HPSE: variants seen among roughly 807,000 people sequenced by gnomAD.
HPSE encodes heparanase, also known as endo-glucoronidase.
HPSE carries 48 observed loss-of-function variants against 65.1 expected under a neutral mutation model. That is an observed-to-expected ratio of 0.74 (90% CI 0.58 to 0.94). The LOEUF is 0.94. Ranked by LOEUF, HPSE falls within the 40% of genes least tolerant of loss-of-function variation. The pLI, the probability that HPSE is intolerant of heterozygous loss-of-function variation, is 0.00. For missense variants in HPSE, 644 were observed against 637.5 expected, an observed-to-expected ratio of 1.01 and a Z score of -0.11; for synonymous variants, 243 against 260.0, an observed-to-expected ratio of 0.93 and a Z score of 0.63.
chr4:83,334,890 C>A, upstream of HPSE: 2 of 1,423,898 alleles, frequency 1.4e-6, no homozygotes, highest in Non-Finnish European at 1.8e-6. Flanking sequence ...CTTTCCTCCG[C>A]CCCGTTACGC....
Position 83,334,553 on chromosome 4 carries a change from T to C in HPSE, c.227+3A>G. The C allele has an allele frequency of 6.3e-7, 1 of 1,575,604 alleles. No homozygotes were observed. Among genetic ancestry groups the C allele is most frequent in the Non-Finnish European group, 8.6e-7 (1 of 1,160,566 alleles). On this transcript the variant is annotated splice_donor_region_variant and intron_variant, in intron 1 of 11. Transcript: ENST00000311412. ...GGGACAGGACCAGGAGGCTGGCGCT[T>C]ACCCCAGGAGGATGAGGAACCGCGG...
intron 11 of HPSE, 80 bp downstream of exon 11, chr4:83,300,880 G>C (rs1035495693): frequency 5.3e-6 from 4 of 758,382 alleles, no homozygotes; most frequent in African/African-American, 4.0e-5. Flanking sequence ...TTTGTCTTTT[G>C]CTCCCTGTCC....
At position 83,310,034 on chromosome 4, in the gene HPSE, T is replaced by C. The variant is rs758732156; in HGVS notation, c.887A>G (p.His296Arg). The change falls in exon 6 of 12, where the codon CAT becomes CGT. Residue 296 changes from histidine to arginine, a missense_variant. Physicochemically the swap from His to Arg is conservative, Grantham distance 29. Coordinates refer to ENST00000311412, the MANE Select transcript of HPSE (RefSeq NM_001098540.3). ...TAAGAATAGGAGACATACTTACTGA[T>C]GCCATGTAACTGAATCAATCACTTC... ...GGEVIDSVTW[H>R]HYYLNGRTAT... 1.2e-6 allele frequency: 2 copies of C among 1,608,670 alleles called. No homozygotes were observed. Among genetic ancestry groups the C allele is most frequent in the South Asian group, 1.1e-5 (1 of 90,564 alleles).
chr4:83,331,875 T>C lies in HPSE; in HGVS notation c.227+2681A>G, dbSNP rs150994747. The stretch of plus-strand genomic sequence containing the variant: ...TTTCCTTTAAAAAATATAATCTGCT[T>C]TCCCTTTTTATGGGCACTATTATCT... On this transcript the variant is annotated intron_variant, in intron 1 of 11. Transcript: ENST00000311412. Among the ~76,000 whole-genome samples the C allele has an allele frequency of 2.6e-5, 4 of 152,346 alleles. No homozygotes were observed. In the East Asian group the frequency reaches 5.8e-4, roughly 22 times the overall value.
chr4:83,297,683 C>G (rs1375542113), intron 11 of HPSE, among the ~76,000 whole-genome samples: 1 of 152,180 alleles, frequency 6.6e-6, no homozygotes, highest in Non-Finnish European at 1.5e-5. Context: ...ATATCAATAG[C>G]ACGCCCATGA....
At chr4:83,325,101 A>G (rs1463996349) in intron 1 of HPSE, among the ~76,000 whole-genome samples, 3 of 151,552 alleles carry the variant, frequency 2.0e-5, no homozygotes, top group Non-Finnish European at 4.4e-5. Flanking sequence ...TTCCATAACA[A>G]GCACGTTATA....
intron 2 of HPSE, among the ~76,000 whole-genome samples, chr4:83,319,964 G>A (rs938420797): frequency 6.7e-6 from 1 of 148,508 alleles, no homozygotes; most frequent in Non-Finnish European, 1.5e-5. Flanking sequence ...AGGTTGCAGT[G>A]AGCCGAGATC....
intron 2 of HPSE, among the ~76,000 whole-genome samples, chr4:83,320,719 G>A (rs1424393914): frequency 6.6e-6 from 1 of 152,220 alleles, no homozygotes; most frequent in East Asian, 1.9e-4. Flanking sequence ...TGACTCGCTG[G>A]CGGCTGGTGC....
At chr4:83,322,426 C>T in intron 1 of HPSE, 62 bp from the exon 2 acceptor site, 1 of 1,374,352 alleles carries the variant, frequency 7.3e-7, no homozygotes. Context: ...GTCAAACATT[C>T]TTACTTCCTT....
upstream of HPSE, chr4:83,335,126 G>T: frequency 4.1e-6 from 1 of 244,458 alleles, no homozygotes; most frequent in Non-Finnish European, 7.8e-6. Flanking sequence ...GGAGCGCCCG[G>T]GGAGGAGCGC....
rs1031572205 is a variant in HPSE at position 83,292,579 on chromosome 4, T to C, written c.*2765A>G. ...TTTCAGCTTTAGCTCCTTACAAATA[T>C]ACTTAAATTGAATGAAATTGAATGG... On this transcript the variant is annotated 3_prime_UTR_variant, in exon 12 of 12. Coordinates refer to ENST00000311412, the MANE Select transcript of HPSE (RefSeq NM_001098540.3). 5 of 152,222 alleles carry C rather than the reference T, an allele frequency of 3.3e-5. No individual in the cohort carries two copies. The highest frequency in any genetic ancestry group is 2.0e-4 in the Admixed American group (3 of 15,282). The allele number at this position is 152,222 out of a possible 1,614,324, so 9.4% of individuals were successfully genotyped here. A position where few individuals can be genotyped will look rare whatever the true frequency, so the allele number is the denominator to read the frequency against.
intron 3 of HPSE, 64 bp from the exon 4 acceptor site, chr4:83,313,351 C>CT (rs1736497513): frequency 3.9e-6 from 4 of 1,026,478 alleles, no homozygotes; most frequent in Non-Finnish European, 5.6e-6. Flanking sequence ...TCCAGATTCG[C>CT]TTTTCATAAT....
chr4:83,334,803 C>G lies in HPSE; in HGVS notation c.-21G>C, dbSNP rs998525630. 1.3e-6 allele frequency: 2 copies of G among 1,491,570 alleles called. No individual in the cohort carries two copies. The highest frequency in any genetic ancestry group is 1.8e-6 in the Non-Finnish European group (2 of 1,120,728). 92.4% of individuals were successfully genotyped at this position (1,491,570 alleles called of 1,614,324 possible). The stretch of plus-strand genomic sequence containing the variant: ...AGCATCTTGGGCTCACCTGGCTGCT[C>G]CCCCCGCCAGCTGCCGCGCAGCGGA... On this transcript the variant is annotated 5_prime_UTR_variant, in exon 1 of 12. Transcript: ENST00000311412.
rs1220525998 is a variant in HPSE at position 83,326,918 on chromosome 4, T to C, written c.228-4554A>G. Reference sequence around the variant, plus strand: ...TTGCTGTGGCATCACATGACGGGCATCTGTGAGTGACCTGGGTCACAGCCT... The same window carrying C: ...TTGCTGTGGCATCACATGACGGGCACCTGTGAGTGACCTGGGTCACAGCCT... On this transcript the variant is annotated intron_variant, in intron 1 of 11. Transcript: ENST00000311412. The surrounding 1 kb of genome is among the most constrained non-coding windows in gnomAD (Gnocchi z 4.2). Among the ~76,000 whole-genome samples, 2 of 152,188 alleles carry C rather than the reference T, an allele frequency of 1.3e-5. No individual in the cohort carries two copies. Among genetic ancestry groups the C allele is most frequent in the Non-Finnish European group, 2.9e-5 (2 of 68,030 alleles).
At chr4:83,313,037 A>G (rs6818355) in intron 4 of HPSE, 77 bp downstream of exon 4, 522,482 of 820,276 alleles carry the variant, frequency 0.64, 146,206 homozygotes, top group Middle Eastern at 0.68. Flanking sequence ...AAAAAAAAAA[A>G]AAAAGAAAAA....
chr4:83,313,305 C>T lies in HPSE; in HGVS notation c.500-18G>A. The T allele has an allele frequency of 6.3e-7, 1 of 1,588,582 alleles. No homozygotes were observed. Among genetic ancestry groups the T allele is most frequent in the Non-Finnish European group, 8.6e-7 (1 of 1,165,680 alleles). On this transcript the variant is annotated intron_variant, in intron 3 of 11. Coordinates refer to ENST00000311412, the MANE Select transcript of HPSE (RefSeq NM_001098540.3). The stretch of plus-strand genomic sequence containing the variant: ...AGAGCTTCCTAAAAGAAAAACGTCA[C>T]AATTTAATGGTTAGATTGGCACCAC...
intron 3 of HPSE, among the ~76,000 whole-genome samples, chr4:83,319,076 T>G (rs921711168): frequency 6.6e-6 from 1 of 152,194 alleles, no homozygotes; most frequent in African/African-American, 2.4e-5. Flanking sequence ...GACTCCGTAG[T>G]TTTTTAGAGC....
intron 3 of HPSE, among the ~76,000 whole-genome samples, chr4:83,313,758 A>T (rs1327706394): frequency 2.0e-5 from 3 of 152,240 alleles, no homozygotes; most frequent in Non-Finnish European, 4.4e-5. Flanking sequence ...AAATGAATCA[A>T]ATTTTACATT....
chr4:83,300,388 T>C (rs1735893580), intron 11 of HPSE, among the ~76,000 whole-genome samples: 1 of 152,208 alleles, frequency 6.6e-6, no homozygotes, highest in Non-Finnish European at 1.5e-5. Context: ...CTTTTTAGAG[T>C]AAATAATTTA....
Sources: gnomAD v4.1 joint callset for allele counts (sites outside exome capture counted in the v4.1 genomes callset) on GRCh38, gnomAD v4.1.1 for gene constraint, Gnocchi (gnomAD v3.1) non-coding constraint, MANE v1.5 for transcripts, NCBI Gene and HGNC (gene_info 2026-07-23, HGNC 2026-07-21) for gene names.